The following TPM3 variants were observed in gnomAD, a reference collection of about 807,000 sequenced individuals.
The protein encoded by TPM3 is tropomyosin 3.
TPM3 carries 16 observed loss-of-function variants against 43.1 expected under a neutral mutation model. The ratio of observed to expected loss-of-function variants is 0.37; its 90% CI spans 0.25 to 0.56. TPM3 has a LOEUF of 0.56. Among genes scored for constraint, TPM3 ranks in the 20% least tolerant of loss-of-function variants. The pLI is 0.77. For missense variants in TPM3, 176 were observed against 337.2 expected (o/e 0.52, Z 3.74); for synonymous variants, 101 against 116.9 (o/e 0.86, Z 0.88).
At chr1:154,179,899 A>G (rs1182028879) in intron 2 of TPM3, among the ~76,000 whole-genome samples, 2 of 152,224 alleles carry the variant, frequency 1.3e-5, no homozygotes, top group East Asian at 1.9e-4. Context: ...AAAAATTAAA[A>G]AGAGAAAAAT....
intron 8 of TPM3, 39 bp from the exon 9 acceptor site, chr1:154,169,422 C>G: frequency 6.2e-7 from 1 of 1,603,868 alleles, no homozygotes; most frequent in Non-Finnish European, 8.5e-7. Flanking sequence ...AATGAGGGGA[C>G]AGAGTGAAGA....
chr1:154,171,026 G>A (rs1661518947), intron 6 of TPM3: 1 of 524,514 alleles, frequency 1.9e-6, no homozygotes, highest in Non-Finnish European at 3.4e-6. Context: ...AGCACCCCAA[G>A]GTCACATGAC....
At chr1:154,157,800 GT>G, downstream of TPM3, 2 of 776,910 alleles carry the variant, frequency 2.6e-6, no homozygotes, top group South Asian at 2.7e-5. Flanking sequence ...ACTTGCTCCT[GT>G]TGCAGAGAAG....
chr1:154,179,240 G>A (rs1420382718), intron 2 of TPM3, among the ~76,000 whole-genome samples: 2 of 152,228 alleles, frequency 1.3e-5, no homozygotes. Context: ...TTCACCAAAG[G>A]GGAGGCAAGT....
downstream of TPM3, among the ~76,000 whole-genome samples, chr1:154,161,399 G>A (rs1330946660): frequency 6.8e-6 from 1 of 147,230 alleles, no homozygotes; most frequent in Non-Finnish European, 1.5e-5. Flanking sequence ...GTTAGTTTGT[G>A]TGATTCTCAC....
At chr1:154,186,059 A>G (rs1426822555) in intron 2 of TPM3, among the ~76,000 whole-genome samples, 1 of 151,620 alleles carries the variant, frequency 6.6e-6, no homozygotes, top group African/African-American at 2.4e-5. Context: ...CAATGAGACT[A>G]TTCAGAAGAA....
At chr1:154,191,814 C>A in intron 1 of TPM3, 88 bp downstream of exon 1, 12 of 1,575,316 alleles carry the variant, frequency 7.6e-6, no homozygotes, top group Non-Finnish European at 1.0e-5. Context: ...GAGGTGACAC[C>A]AGTAGTCACT....
intron 1 of TPM3, 147 bp from the exon 2 acceptor site, chr1:154,191,458 C>T (rs1461021828): frequency 6.9e-7 from 1 of 1,444,880 alleles, no homozygotes; most frequent in Non-Finnish European, 9.4e-7. Flanking sequence ...CAGCCCACTG[C>T]CTCAGGAGTT....
At chr1:154,176,955 G>A (rs1380796106) in intron 2 of TPM3, among the ~76,000 whole-genome samples, 1 of 149,484 alleles carries the variant, frequency 6.7e-6, no homozygotes, top group Non-Finnish European at 1.5e-5. Flanking sequence ...CTCCAGCCTG[G>A]GCAACACGGT....
rs372260675 is a variant in TPM3 at position 154,165,215 on chromosome 1, G to A, written c.*2722C>T. On this transcript the variant is annotated 3_prime_UTR_variant, in exon 10 of 10. Transcript: ENST00000651641. ...TGGCCAACATGCTGAAACCCCGTCCGTACTAAAAATACAAAAATCAGCTGG... is the reference window on the plus strand; with the variant it reads ...TGGCCAACATGCTGAAACCCCGTCCATACTAAAAATACAAAAATCAGCTGG... Among the ~76,000 whole-genome samples the A allele has an allele frequency of 2.7e-5, 4 of 149,896 alleles. No individual in the cohort carries two copies. The highest frequency in any genetic ancestry group is 2.1e-4 in the South Asian group (1 of 4,686).
In TPM3 at chr1:154,188,365, A is replaced by G. The variant is rs140474829; in HGVS notation, c.243+2821T>C. ...TCTGAGCCACCACACTGGGCACAAG[A>G]AGGGAGAATTAATAGTTTGTGGCGG... On this transcript the variant is annotated intron_variant, in intron 2 of 9. Coordinates refer to ENST00000651641, the MANE Select transcript of TPM3 (RefSeq NM_152263.4). 1.6e-3 allele frequency among the ~76,000 whole-genome samples: 238 copies of G among 151,760 alleles called. 5 individuals carry two copies. Among genetic ancestry groups the G allele is most frequent in the African/African-American group, 5.6e-3 (228 of 41,058 alleles).
At chr1:154,186,816 G>A (rs568538176) in intron 2 of TPM3, among the ~76,000 whole-genome samples, 9 of 151,586 alleles carry the variant, frequency 5.9e-5, no homozygotes, top group African/African-American at 2.2e-4. Context: ...GTTTGGACTC[G>A]CCTTGCCATA....
downstream of TPM3, among the ~76,000 whole-genome samples, chr1:154,161,538 C>T (rs1370644545): frequency 4.0e-5 from 6 of 149,234 alleles, no homozygotes; most frequent in Non-Finnish European, 5.9e-5. Flanking sequence ...CAGGTTCAAG[C>T]GATTCTCTCG....
Position 154,165,644 on chromosome 1 carries a change from C to T in TPM3, c.*2293G>A, listed in dbSNP as rs1010107026. ...CCTCTACTAATAATACAAAAATTAGCTGGGTGTGGTGGCAGGCGCCTGTGA... is the reference window on the plus strand; with the variant it reads ...CCTCTACTAATAATACAAAAATTAGTTGGGTGTGGTGGCAGGCGCCTGTGA... On this transcript the variant is annotated 3_prime_UTR_variant, in exon 10 of 10. Coordinates refer to ENST00000651641, the MANE Select transcript of TPM3 (RefSeq NM_152263.4). Among the ~76,000 whole-genome samples the T allele has an allele frequency of 6.6e-6, 1 of 151,710 alleles. No individual in the cohort carries two copies. Among genetic ancestry groups the T allele is most frequent in the African/African-American group, 2.4e-5 (1 of 41,266 alleles).
chr1:154,169,594 G>A lies in TPM3; in HGVS notation c.776-211C>T, dbSNP rs542408791. On this transcript the variant is annotated intron_variant, in intron 8 of 9. Coordinates refer to ENST00000651641, the MANE Select transcript of TPM3 (RefSeq NM_152263.4). ...ACTTCCTTTCTTGATACTCCAAATC[G>A]ACTGCAGCAAGGGCTGAGAACCTGG... 7.1e-5 allele frequency: 43 copies of A among 608,428 alleles called. No homozygotes were observed. In the Admixed American group the frequency reaches 9.7e-4, roughly 14 times the overall value. The allele number at this position is 608,428 out of a possible 1,614,324, so 37.7% of individuals were successfully genotyped here. A position where few individuals can be genotyped will look rare whatever the true frequency, so the allele number is the denominator to read the frequency against.
intron 2 of TPM3, chr1:154,183,396 A>G (rs939651879): frequency 6.9e-6 from 8 of 1,155,302 alleles, no homozygotes; most frequent in Non-Finnish European, 8.2e-6. Flanking sequence ...CGGGGTTGGG[A>G]CGAGGGAGTG....
chr1:154,191,348 A>G, intron 1 of TPM3, 37 bp from the exon 2 acceptor site: 1 of 1,613,054 alleles, frequency 6.2e-7, no homozygotes, highest in Non-Finnish European at 8.5e-7. Flanking sequence ...AAAAACACAC[A>G]AACACAACAA....
At chr1:154,171,599 G>T in intron 5 of TPM3, 111 bp from the exon 6 acceptor site, 1 of 1,156,060 alleles carries the variant, frequency 8.7e-7, no homozygotes, top group Non-Finnish European at 1.3e-6. Flanking sequence ...AGAGTTGGAA[G>T]GCATACTGGG....
intron 2 of TPM3, among the ~76,000 whole-genome samples, chr1:154,179,795 G>A (rs1043224476): frequency 6.6e-6 from 1 of 152,080 alleles, no homozygotes; most frequent in African/African-American, 2.4e-5. Context: ...AGATCCACAG[G>A]TGGACCTCAG....
Sources: gnomAD v4.1 joint callset for allele counts (sites outside exome capture counted in the v4.1 genomes callset) on GRCh38, gnomAD v4.1.1 for gene constraint, MANE v1.5 for transcripts, NCBI Gene and HGNC (gene_info 2026-07-23, HGNC 2026-07-21) for gene names.